BCKDHB: variants seen among roughly 807,000 people sequenced by gnomAD.
The protein encoded by BCKDHB is branched chain keto acid dehydrogenase E1 subunit beta.
BCKDHB carries 41 observed loss-of-function variants against 48.5 expected under a neutral mutation model. That is an observed-to-expected ratio of 0.85 (90% CI 0.66 to 1.10). BCKDHB has a LOEUF of 1.10. BCKDHB is among the 50% of genes least tolerant of loss of function. The pLI is 0.00. For synonymous variants in BCKDHB, 201 were observed against 174.8 expected, an observed-to-expected ratio of 1.15 and a Z score of -1.18; for missense variants, 496 against 494.2, an observed-to-expected ratio of 1.00 and a Z score of -0.03.
chr6:80,416,060 A>G, the BCKDHB span, among the ~76,000 whole-genome samples: 1 of 151,734 alleles, frequency 6.6e-6, no homozygotes, highest in East Asian at 1.9e-4. Context: ...TTATCTGCGT[A>G]GAGGTGTTCA....
intron 9 of BCKDHB, among the ~76,000 whole-genome samples, chr6:80,295,118 C>G (rs1404902752): frequency 6.6e-6 from 1 of 152,184 alleles, no homozygotes; most frequent in Non-Finnish European, 1.5e-5. Flanking sequence ...TATACTGTCT[C>G]TCTTTATTTC....
At chr6:80,283,152 G>T (rs1766443516) in intron 9 of BCKDHB, among the ~76,000 whole-genome samples, 1 of 152,034 alleles carries the variant, frequency 6.6e-6, no homozygotes. Context: ...TTACAGAAGT[G>T]AAAGCAGCAT....
At chr6:80,205,953 ACCAGGTGTGTAGAAT>A (rs1264862798) in intron 8 of BCKDHB, among the ~76,000 whole-genome samples, 1 of 151,976 alleles carries the variant, frequency 6.6e-6, no homozygotes, top group Non-Finnish European at 1.5e-5. Flanking sequence ...TTTGGTCTCA[ACCAGGTGTGTAGAAT>A]CCAGGTATAT....
chr6:80,138,755 A>G (rs1771028685), intron 3 of BCKDHB, among the ~76,000 whole-genome samples: 1 of 152,192 alleles, frequency 6.6e-6, no homozygotes, highest in African/African-American at 2.4e-5. Context: ...ATGTGTGTGA[A>G]TAAACATACG....
chr6:80,415,483 G>T, the BCKDHB span, among the ~76,000 whole-genome samples: 5 of 152,112 alleles, frequency 3.3e-5, 1 homozygote, highest in Admixed American at 2.6e-4. Flanking sequence ...AACATGAAGG[G>T]GTGTTGAATT....
At chr6:80,322,332 A>G (rs1768782084) in intron 9 of BCKDHB, among the ~76,000 whole-genome samples, 1 of 141,300 alleles carries the variant, frequency 7.1e-6, no homozygotes, top group Non-Finnish European at 1.5e-5. Context: ...TCTACCTCCC[A>G]GGTTCAAGTG....
the BCKDHB span, among the ~76,000 whole-genome samples, chr6:80,373,461 C>T: frequency 6.6e-6 from 1 of 151,946 alleles, no homozygotes; most frequent in Non-Finnish European, 1.5e-5. Flanking sequence ...TCATTTAGTT[C>T]TTCTAGGCTC....
chr6:80,144,471 C>T (rs1582226289), intron 3 of BCKDHB, among the ~76,000 whole-genome samples: 1 of 152,098 alleles, frequency 6.6e-6, no homozygotes, highest in African/African-American at 2.4e-5. Context: ...ACATTTAATG[C>T]ACTAGTTGTG....
At chr6:80,252,251 T>G (rs1227415815) in intron 8 of BCKDHB, among the ~76,000 whole-genome samples, 1 of 152,182 alleles carries the variant, frequency 6.6e-6, no homozygotes, top group Admixed American at 6.5e-5. Flanking sequence ...AGAAATTTCC[T>G]TCATACAACA....
downstream of BCKDHB, among the ~76,000 whole-genome samples, chr6:80,350,254 A>G (rs1770355647): frequency 6.6e-6 from 1 of 152,204 alleles, no homozygotes; most frequent in African/African-American, 2.4e-5. Context: ...CAGACATTAA[A>G]TATTTTAAAG....
the BCKDHB span, among the ~76,000 whole-genome samples, chr6:80,465,334 G>A: frequency 2.6e-5 from 4 of 152,268 alleles, no homozygotes; most frequent in South Asian, 2.1e-4. Flanking sequence ...CTTCCACCTC[G>A]TACATCTGAT....
At chr6:80,444,249 G>A in the BCKDHB span, among the ~76,000 whole-genome samples, 15 of 151,924 alleles carry the variant, frequency 9.9e-5, no homozygotes, top group Middle Eastern at 0.01. Context: ...TGGAAGTCAC[G>A]GAAGAGTTTA....
chr6:80,431,878 G>A, the BCKDHB span, among the ~76,000 whole-genome samples: 1 of 152,178 alleles, frequency 6.6e-6, no homozygotes, highest in African/African-American at 2.4e-5. Context: ...GCTCTTGTAA[G>A]GCAGGACTGA....
At chr6:80,133,026 A>G (rs1406464946) in intron 3 of BCKDHB, among the ~76,000 whole-genome samples, 1 of 152,228 alleles carries the variant, frequency 6.6e-6, no homozygotes, top group Non-Finnish European at 1.5e-5. Flanking sequence ...CAATATAACA[A>G]TCAAGTCACA....
the BCKDHB span, among the ~76,000 whole-genome samples, chr6:80,398,979 T>A: frequency 2.0e-5 from 3 of 151,894 alleles, no homozygotes; most frequent in Admixed American, 2.0e-4. Flanking sequence ...ATGTAATTCA[T>A]CACATAAACA....
At chr6:80,412,416 GGATTACA>G in the BCKDHB span, among the ~76,000 whole-genome samples, 21 of 151,958 alleles carry the variant, frequency 1.4e-4, no homozygotes, top group Admixed American at 3.9e-4. Context: ...CAGAGTGCTA[GGATTACA>G]GATGTAAGCC....
At chr6:80,198,680 TAGA>T (rs1774243218) in intron 6 of BCKDHB, among the ~76,000 whole-genome samples, 1 of 152,184 alleles carries the variant, frequency 6.6e-6, no homozygotes, top group African/African-American at 2.4e-5. Context: ...ATGCAGATTG[TAGA>T]AGAGTTCTGA....
chr6:80,209,726 A>G lies in BCKDHB; in HGVS notation c.951+6514A>G, dbSNP rs1045997731. Among the ~76,000 whole-genome samples the G allele has an allele frequency of 3.9e-5, 6 of 152,168 alleles. No homozygotes were observed. In the East Asian group the frequency reaches 9.6e-4, roughly 24 times the overall value. On this transcript the variant is annotated intron_variant, in intron 8 of 9. Transcript: ENST00000320393. The stretch of plus-strand genomic sequence containing the variant: ...AAAAATAATGCTCTTGGGAGAAAGC[A>G]TAGGTGAATATGTTCATGTGATCTT...
the BCKDHB span, among the ~76,000 whole-genome samples, chr6:80,427,847 CATA>C: frequency 6.6e-6 from 1 of 152,006 alleles, no homozygotes; most frequent in African/African-American, 2.4e-5. Flanking sequence ...TCCCTTTGTA[CATA>C]ATGTGTTTTC....
Sources: allele counts gnomAD v4.1 joint callset (sites outside exome capture counted in the v4.1 genomes callset), GRCh38; gene constraint gnomAD v4.1.1; transcripts MANE v1.5; gene names NCBI Gene and HGNC (gene_info 2026-07-23, HGNC 2026-07-21).